The following TMC1 variants were observed in gnomAD, a reference collection of about 807,000 sequenced individuals.
TMC1 encodes transmembrane channel like 1.
A neutral mutation model predicts 105.8 loss-of-function variants in TMC1; 84 were observed. The observed-to-expected ratio is 0.79, with a 90% CI of 0.67 to 0.95. TMC1 has a LOEUF of 0.95. Among genes scored for constraint, TMC1 ranks in the 40% least tolerant of loss-of-function variants. TMC1 has a pLI of 0.00. For synonymous variants in TMC1, 315 were observed against 311.5 expected, an observed-to-expected ratio of 1.01 and a Z score of -0.12; for missense variants, 817 against 914.1, an observed-to-expected ratio of 0.89 and a Z score of 1.37.
At chr9:72,732,185 T>C (rs746814995) in intron 8 of TMC1, among the ~76,000 whole-genome samples, 1 of 152,246 alleles carries the variant, frequency 6.6e-6, no homozygotes, top group Non-Finnish European at 1.5e-5. Context: ...ACACTACTTT[T>C]ACATAATTAT....
At chr9:72,609,167 C>T (rs930030084) in intron 2 of TMC1, among the ~76,000 whole-genome samples, 91 of 145,906 alleles carry the variant, frequency 6.2e-4, no homozygotes, top group Non-Finnish European at 1.2e-3. Context: ...TTCCTTCCCT[C>T]GCTTCCTCCT....
intron 1 of TMC1, among the ~76,000 whole-genome samples, chr9:72,531,579 A>G (rs1231268644): frequency 6.6e-6 from 1 of 152,184 alleles, no homozygotes; most frequent in Non-Finnish European, 1.5e-5. Flanking sequence ...CACCTCTCTT[A>G]TATACTATGG....
chr9:72,694,780 C>T, intron 7 of TMC1, 66 bp downstream of exon 7: 1 of 1,514,898 alleles, frequency 6.6e-7, no homozygotes, highest in East Asian at 2.4e-5. Context: ...TTCAGATACT[C>T]TTTGACCTTA....
intron 9 of TMC1, among the ~76,000 whole-genome samples, chr9:72,740,960 G>A (rs1413612255): frequency 1.3e-5 from 2 of 152,116 alleles, no homozygotes; most frequent in Non-Finnish European, 2.9e-5. Context: ...TTGATGCAAT[G>A]TTATGTTCAC....
chr9:72,590,143 A>T (rs1376153417), intron 2 of TMC1, among the ~76,000 whole-genome samples: 2 of 152,142 alleles, frequency 1.3e-5, no homozygotes, highest in African/African-American at 4.8e-5. Context: ...GTTTTTAAAA[A>T]TCCAATGGGG....
intron 4 of TMC1, among the ~76,000 whole-genome samples, chr9:72,639,629 G>A (rs746042794): frequency 3.3e-5 from 5 of 152,110 alleles, no homozygotes; most frequent in African/African-American, 9.7e-5. Context: ...AGAGTCGCTC[G>A]TGAAATATAT....
chr9:72,640,436 C>T (rs1825607246), intron 4 of TMC1, among the ~76,000 whole-genome samples: 1 of 152,098 alleles, frequency 6.6e-6, no homozygotes, highest in Non-Finnish European at 1.5e-5. Context: ...GGGTGAGCAG[C>T]CTGAATGACA....
At chr9:72,701,407 A>G (rs569692708) in intron 8 of TMC1, among the ~76,000 whole-genome samples, 1 of 152,242 alleles carries the variant, frequency 6.6e-6, no homozygotes, top group African/African-American at 2.4e-5. Flanking sequence ...ATCACACTAT[A>G]TTTCCCTGCC....
intron 2 of TMC1, among the ~76,000 whole-genome samples, chr9:72,598,894 C>A (rs1194346398): frequency 6.6e-6 from 1 of 152,142 alleles, no homozygotes; most frequent in Non-Finnish European, 1.5e-5. Flanking sequence ...TAGATGCCGA[C>A]AACAATCTCT....
intron 2 of TMC1, among the ~76,000 whole-genome samples, chr9:72,597,919 T>G (rs1422255891): frequency 1.3e-5 from 2 of 152,144 alleles, no homozygotes; most frequent in African/African-American, 2.4e-5. Flanking sequence ...TTCCCTTCTC[T>G]GTGCTCCATG....
chr9:72,594,173 G>A (rs982685416), intron 2 of TMC1, among the ~76,000 whole-genome samples: 5 of 152,102 alleles, frequency 3.3e-5, no homozygotes, highest in African/African-American at 4.8e-5. Flanking sequence ...ACATGTACGC[G>A]GAGACCCTCA....
intron 4 of TMC1, among the ~76,000 whole-genome samples, chr9:72,630,947 C>T (rs1199373803): frequency 6.6e-6 from 1 of 151,506 alleles, no homozygotes; most frequent in Non-Finnish European, 1.5e-5. Context: ...TGGCTTACTG[C>T]AGCCTCTGCC....
At chr9:72,648,486 C>T (rs1825750661) in intron 4 of TMC1, 111 bp from the exon 5 acceptor site, 1 of 703,782 alleles carries the variant, frequency 1.4e-6, no homozygotes, top group South Asian at 1.6e-5. Context: ...AAATGAGTAC[C>T]TTCTTAAGTT....
At chr9:72,568,337 T>TG (rs1432424463) in intron 1 of TMC1, among the ~76,000 whole-genome samples, 1 of 152,208 alleles carries the variant, frequency 6.6e-6, no homozygotes, top group Non-Finnish European at 1.5e-5. Flanking sequence ...CTTACACTTT[T>TG]GGCTCTGTCT....
chr9:72,717,823 T>G (rs1473942249), intron 8 of TMC1, among the ~76,000 whole-genome samples: 4 of 152,230 alleles, frequency 2.6e-5, no homozygotes, highest in Non-Finnish European at 5.9e-5. Context: ...GAACTTCTTG[T>G]ATTTGGATGT....
chr9:72,834,524 C>T (rs948021438), intron 23 of TMC1, among the ~76,000 whole-genome samples: 2 of 152,128 alleles, frequency 1.3e-5, no homozygotes, highest in Non-Finnish European at 2.9e-5. Context: ...TTAAGCTGAT[C>T]AGATTCCTCA....
At chr9:72,641,810 C>CTTTTTTTTTTTTT (rs896125209) in intron 4 of TMC1, among the ~76,000 whole-genome samples, 3 of 86,996 alleles carry the variant, frequency 3.4e-5, no homozygotes, top group Non-Finnish European at 6.4e-5. Context: ...AGTCCCAAAT[C>CTTTTTTTTTTTTT]TTTTTTTTTT....
chr9:72,678,454 C>T (rs1826237765), intron 5 of TMC1, among the ~76,000 whole-genome samples: 1 of 151,954 alleles, frequency 6.6e-6, no homozygotes, highest in Non-Finnish European at 1.5e-5. Flanking sequence ...TCTAGTTCTG[C>T]CACTTTCTTA....
At chr9:72,672,813 A>C (rs989293873) in intron 5 of TMC1, among the ~76,000 whole-genome samples, 10 of 148,494 alleles carry the variant, frequency 6.7e-5, no homozygotes, top group African/African-American at 2.3e-4. Context: ...AATTCGAGAC[A>C]AGCCTGGGCA....
Sources: allele counts gnomAD v4.1 joint callset (sites outside exome capture counted in the v4.1 genomes callset), GRCh38; gene constraint gnomAD v4.1.1; transcripts MANE v1.5; gene names NCBI Gene and HGNC (gene_info 2026-07-23, HGNC 2026-07-21).